The following ATRX variants were observed in gnomAD, a reference collection of about 807,000 sequenced individuals.
The protein encoded by ATRX is chromatin remodeler ATRX.
A neutral mutation model predicts 172.6 loss-of-function variants in ATRX; 12 were observed. The observed-to-expected ratio is 0.07, with a 90% CI of 0.04 to 0.11. The LOEUF (loss-of-function observed/expected upper bound fraction) is 0.11. ATRX is among the 10% of genes least tolerant of loss of function. The pLI is 1.00. For missense variants in ATRX, 1,368 were observed against 1,767.4 expected, an observed-to-expected ratio of 0.77 and a Z score of 4.05; for synonymous variants, 674 against 594.7, an observed-to-expected ratio of 1.13 and a Z score of -1.94.
chrX:77,708,143 C>T (rs782781597), intron 2 of ATRX, among the ~76,000 whole-genome samples: 4 of 112,009 alleles, frequency 3.6e-5, no homozygotes, highest in South Asian at 3.7e-4. Flanking sequence ...TATTTACAGC[C>T]GCATTATTCC....
intron 1 of ATRX, among the ~76,000 whole-genome samples, chrX:77,718,137 T>A (rs1311556881): frequency 9.0e-6 from 1 of 110,523 alleles, no homozygotes; most frequent in East Asian, 2.8e-4. Context: ...AGGGCAAGAT[T>A]TTCCTTTCCA....
At chrX:77,688,011 C>T (rs1178342788) in intron 7 of ATRX, among the ~76,000 whole-genome samples, 3 of 111,587 alleles carry the variant, frequency 2.7e-5, no homozygotes, top group African/African-American at 9.8e-5. Context: ...GATCTCGACT[C>T]GCTGCAACCT....
chrX:77,598,630 C>T (rs1174506438), intron 25 of ATRX, among the ~76,000 whole-genome samples: 2 of 111,403 alleles, frequency 1.8e-5, no homozygotes, highest in African/African-American at 6.5e-5. Flanking sequence ...CTACCTTGTT[C>T]TCTCTTCATA....
At position 77,710,302 on chromosome X, in the gene ATRX, A is replaced by T. The variant is rs782219697; in HGVS notation, c.133+6829T>A. On this transcript the variant is annotated intron_variant, in intron 2 of 34. Coordinates refer to ENST00000373344, the MANE Select transcript of ATRX (RefSeq NM_000489.6). ...TGACAAAACAAGACTCCATTTCAATAAAAAAAAAAAAAAAACAATACAAAT... is the reference window on the plus strand; with the variant it reads ...TGACAAAACAAGACTCCATTTCAATTAAAAAAAAAAAAAAACAATACAAAT... 7.5e-3 allele frequency among the ~76,000 whole-genome samples: 718 copies of T among 95,152 alleles called. 9 individuals are homozygous for T. Among genetic ancestry groups the T allele is most frequent in the African/African-American group, 0.027 (686 of 25,573 alleles). The allele number at this position is 95,152 out of a possible 115,157, so 82.6% of individuals were successfully genotyped here.
At chrX:77,739,566 G>C (rs1298017066) in intron 1 of ATRX, among the ~76,000 whole-genome samples, 1 of 110,229 alleles carries the variant, frequency 9.1e-6, no homozygotes, top group African/African-American at 3.3e-5. Context: ...ACTAAACATA[G>C]GGTGCTAATA....
chrX:77,766,334 C>G (rs1424983183), intron 1 of ATRX, among the ~76,000 whole-genome samples: 2 of 110,757 alleles, frequency 1.8e-5, no homozygotes, highest in Non-Finnish European at 3.8e-5. Flanking sequence ...CCCCCCACCT[C>G]CCTCCTGGAC....
At chrX:77,749,510 A>G (rs2075221721) in intron 1 of ATRX, among the ~76,000 whole-genome samples, 2 of 112,041 alleles carry the variant, frequency 1.8e-5, no homozygotes, top group Non-Finnish European at 3.8e-5. Context: ...ACAAAGAAAC[A>G]AATCACTCCA....
chrX:77,521,675 A>G (rs1569515681), intron 32 of ATRX, 177 bp from the exon 33 acceptor site: 1 of 383,917 alleles, frequency 2.6e-6, no homozygotes, highest in South Asian at 4.8e-5. Context: ...ATGCTCAAAG[A>G]GTCTTGTTAG....
intron 30 of ATRX, among the ~76,000 whole-genome samples, chrX:77,530,715 C>A (rs2063547159): frequency 9.0e-6 from 1 of 110,524 alleles, no homozygotes; most frequent in South Asian, 3.8e-4. Context: ...AGCAATCAAA[C>A]CCCAAAGCTA....
intron 34 of ATRX, among the ~76,000 whole-genome samples, chrX:77,509,790 G>A (rs1040979309): frequency 9.1e-6 from 1 of 110,017 alleles, no homozygotes; most frequent in Non-Finnish European, 1.9e-5. Context: ...CCCGAGTTCC[G>A]ACAAGCTTTG....
intron 10 of ATRX, among the ~76,000 whole-genome samples, chrX:77,671,664 C>A (rs1287487285): frequency 9.0e-6 from 1 of 110,647 alleles, no homozygotes; most frequent in African/African-American, 3.3e-5. Context: ...TCTCAAATTT[C>A]AAAATTTTAT....
chrX:77,648,453 T>C (rs1355157527), intron 15 of ATRX, among the ~76,000 whole-genome samples: 1 of 111,356 alleles, frequency 9.0e-6, no homozygotes, highest in Non-Finnish European at 1.9e-5. Context: ...GCAAATTTTA[T>C]ACCTTTAAAA....
chrX:77,576,783 C>G (rs1409487255), intron 27 of ATRX, among the ~76,000 whole-genome samples: 1 of 111,588 alleles, frequency 9.0e-6, no homozygotes, highest in African/African-American at 3.3e-5. Context: ...TTTCCCCTTA[C>G]CCACAGGCCC....
intron 1 of ATRX, among the ~76,000 whole-genome samples, chrX:77,733,896 A>T (rs2074414635): frequency 9.8e-6 from 1 of 102,342 alleles, no homozygotes; most frequent in South Asian, 4.5e-4. Flanking sequence ...AAAAATAAAT[A>T]AAATAAATAA....
chrX:77,678,369 TC>T (rs2071017441), intron 9 of ATRX, among the ~76,000 whole-genome samples: 1 of 112,448 alleles, frequency 8.9e-6, no homozygotes, highest in Middle Eastern at 4.2e-3. Context: ...ACTACACCTT[TC>T]AAAATTTGAC....
At chrX:77,750,572 G>C (rs989476592) in intron 1 of ATRX, among the ~76,000 whole-genome samples, 5 of 108,545 alleles carry the variant, frequency 4.6e-5, no homozygotes, top group African/African-American at 6.7e-5. Context: ...ATGCAGGTTT[G>C]TTACACAGGT....
At chrX:77,733,474 A>G (rs1443739366) in intron 1 of ATRX, among the ~76,000 whole-genome samples, 1 of 110,989 alleles carries the variant, frequency 9.0e-6, no homozygotes, top group Non-Finnish European at 1.9e-5. Flanking sequence ...AATGGACAGA[A>G]TACAGAACTC....
chrX:77,629,981 C>T (rs1022688058), intron 19 of ATRX, among the ~76,000 whole-genome samples: 2 of 112,301 alleles, frequency 1.8e-5, no homozygotes, highest in Admixed American at 1.9e-4. Context: ...CGCACACACA[C>T]GCGTGAGCGC....
intron 27 of ATRX, 33 bp downstream of exon 27, chrX:77,589,801 T>C: frequency 8.9e-7 from 1 of 1,127,592 alleles, no homozygotes; most frequent in Non-Finnish European, 1.2e-6. Flanking sequence ...TCAGTATTTT[T>C]AAAATTACGA....
Sources: allele counts gnomAD v4.1 joint callset (sites outside exome capture counted in the v4.1 genomes callset), GRCh38; gene constraint gnomAD v4.1.1; transcripts MANE v1.5; gene names NCBI Gene and HGNC (gene_info 2026-07-23, HGNC 2026-07-21).